Variants in AGBL1 observed in about 807,000 individuals in gnomAD.
AGBL1 encodes AGBL carboxypeptidase 1.
A neutral mutation model predicts 118.9 loss-of-function variants in AGBL1; 130 were observed. That is an observed-to-expected ratio of 1.09 (90% CI 0.95 to 1.26). The LOEUF (loss-of-function observed/expected upper bound fraction) is 1.26. Ranked by LOEUF, AGBL1 falls within the 50% of genes most tolerant of loss-of-function variation. AGBL1 has a pLI of 0.00. For synonymous variants in AGBL1, 555 were observed against 478.9 expected (o/e 1.16, Z -2.08); for missense variants, 1,584 against 1,298.1 (o/e 1.22, Z -3.38).
chr15:86,741,203 T>A (rs2077672618), intron 22 of AGBL1, among the ~76,000 whole-genome samples: 1 of 151,678 alleles, frequency 6.6e-6, no homozygotes, highest in Non-Finnish European at 1.5e-5. Context: ...AGAGGACTTT[T>A]CGTTCCAAGG....
At chr15:86,715,488 A>G (rs1167249599) in intron 22 of AGBL1, among the ~76,000 whole-genome samples, 4 of 152,202 alleles carry the variant, frequency 2.6e-5, no homozygotes, top group Non-Finnish European at 5.9e-5. Context: ...TCCCATTTTC[A>G]TGGTGATTTA....
intron 18 of AGBL1, among the ~76,000 whole-genome samples, chr15:86,400,876 C>T (rs2081435232): frequency 6.6e-6 from 1 of 151,986 alleles, no homozygotes; most frequent in East Asian, 1.9e-4. Context: ...GTTGATGGCA[C>T]TTAGGTTGGT....
intron 22 of AGBL1, among the ~76,000 whole-genome samples, chr15:86,722,935 A>C (rs1033760376): frequency 1.3e-5 from 2 of 152,236 alleles, no homozygotes; most frequent in African/African-American, 4.8e-5. Context: ...AGAGAAATGC[A>C]AATCAAAACC....
intron 17 of AGBL1, among the ~76,000 whole-genome samples, chr15:86,326,393 A>G (rs2080183921): frequency 6.6e-6 from 1 of 152,158 alleles, no homozygotes; most frequent in Non-Finnish European, 1.5e-5. Flanking sequence ...TATACTTCTA[A>G]ATATAAGTAT....
intron 21 of AGBL1, among the ~76,000 whole-genome samples, chr15:86,658,043 AC>A (rs2085488337): frequency 6.6e-6 from 1 of 152,046 alleles, no homozygotes; most frequent in Non-Finnish European, 1.5e-5. Flanking sequence ...ATGTGTATAT[AC>A]TATATTGTAT....
intron 5 of AGBL1, among the ~76,000 whole-genome samples, chr15:86,187,142 C>G (rs570044064): frequency 1.3e-5 from 2 of 152,262 alleles, no homozygotes; most frequent in South Asian, 4.1e-4. Flanking sequence ...ACACACACCC[C>G]CATCCACAAA....
At chr15:86,773,010 C>T (rs943517713) in intron 22 of AGBL1, among the ~76,000 whole-genome samples, 3 of 151,958 alleles carry the variant, frequency 2.0e-5, no homozygotes, top group Admixed American at 6.6e-5. Flanking sequence ...TGGAAGCCTG[C>T]ATGACAAACT....
intron 18 of AGBL1, among the ~76,000 whole-genome samples, chr15:86,470,950 A>C (rs2082471606): frequency 6.6e-6 from 1 of 152,168 alleles, no homozygotes; most frequent in African/African-American, 2.4e-5. Flanking sequence ...TTCTATATCT[A>C]AAATTATGTC....
chr15:86,732,607 G>C (rs536415874), intron 22 of AGBL1, among the ~76,000 whole-genome samples: 1 of 152,232 alleles, frequency 6.6e-6, no homozygotes, highest in South Asian at 2.1e-4. Context: ...TGAATATGGG[G>C]TAAGTAACAA....
chr15:86,753,862 C>T (rs990054858), intron 22 of AGBL1, among the ~76,000 whole-genome samples: 3 of 152,102 alleles, frequency 2.0e-5, no homozygotes, highest in Non-Finnish European at 2.9e-5. Flanking sequence ...GCAGGTCTCC[C>T]TCTATCCCAG....
intron 21 of AGBL1, among the ~76,000 whole-genome samples, chr15:86,592,840 C>T (rs115420528): frequency 6.6e-6 from 1 of 152,108 alleles, no homozygotes; most frequent in Non-Finnish European, 1.5e-5. Flanking sequence ...ATAACACATG[C>T]CAGACCAACA....
At chr15:86,330,629 C>G (rs895772030) in intron 17 of AGBL1, among the ~76,000 whole-genome samples, 1 of 151,922 alleles carries the variant, frequency 6.6e-6, no homozygotes, top group Admixed American at 6.6e-5. Flanking sequence ...TGGTCTCTAA[C>G]CAAAATGGAA....
chr15:86,610,294 AAG>A (rs59852025), intron 21 of AGBL1, among the ~76,000 whole-genome samples: 49,317 of 152,020 alleles, frequency 0.32, 9,741 homozygotes, highest in Middle Eastern at 0.43. Context: ...CAGACTGAGA[AAG>A]AGAAAAACTT....
intron 22 of AGBL1, among the ~76,000 whole-genome samples, chr15:86,738,337 C>T (rs2077630114): frequency 1.3e-5 from 2 of 152,070 alleles, no homozygotes. Context: ...GATGCCCACT[C>T]TCACCACTCC....
intron 22 of AGBL1, among the ~76,000 whole-genome samples, chr15:86,736,361 C>CA (rs1470180723): frequency 6.6e-6 from 1 of 150,888 alleles, no homozygotes; most frequent in African/African-American, 2.5e-5. Flanking sequence ...GCCTGGGTGA[C>CA]AGAGTGAAAC....
chr15:86,474,831 G>T (rs2082532630), intron 18 of AGBL1, among the ~76,000 whole-genome samples: 1 of 152,182 alleles, frequency 6.6e-6, no homozygotes, highest in African/African-American at 2.4e-5. Context: ...CCCCCAGTAG[G>T]GGCAGACTGA....
chr15:86,645,286 T>G (rs2085259221), intron 21 of AGBL1, among the ~76,000 whole-genome samples: 2 of 152,168 alleles, frequency 1.3e-5, no homozygotes, highest in Non-Finnish European at 2.9e-5. Flanking sequence ...TATATACTTG[T>G]GTGTGTAAAA....
chr15:86,213,471 C>A (rs1287599500), intron 5 of AGBL1, among the ~76,000 whole-genome samples: 1 of 152,156 alleles, frequency 6.6e-6, no homozygotes, highest in East Asian at 1.9e-4. Context: ...CCCTAGACCT[C>A]CTGTGTCAGG....
intron 18 of AGBL1, among the ~76,000 whole-genome samples, chr15:86,425,374 C>A (rs1045957373): frequency 6.6e-6 from 1 of 151,556 alleles, no homozygotes; most frequent in African/African-American, 2.4e-5. Flanking sequence ...GAGTATCACA[C>A]ACCAAGGCCT....
Sources: allele counts gnomAD v4.1 joint callset (sites outside exome capture counted in the v4.1 genomes callset), GRCh38; gene constraint gnomAD v4.1.1; transcripts MANE v1.5; gene names NCBI Gene and HGNC (gene_info 2026-07-23, HGNC 2026-07-21).